Variants in ANKRD26 observed in about 807,000 individuals in gnomAD.
ANKRD26 encodes the protein ankyrin repeat domain 26.
Under a neutral mutation model 208.7 loss-of-function variants are expected in ANKRD26, and 141 were observed. That is an observed-to-expected ratio of 0.68 (90% CI 0.59 to 0.78). The LOEUF is 0.78. Ranked by LOEUF, ANKRD26 falls within the 30% of genes least tolerant of loss-of-function variation. The pLI is 0.00. For missense variants in ANKRD26, 1,889 were observed against 1,938.7 expected, an observed-to-expected ratio of 0.97 and a Z score of 0.48; for synonymous variants, 636 against 660.4, an observed-to-expected ratio of 0.96 and a Z score of 0.57.
chr10:27,030,715 T>A, intron 25 of ANKRD26: 1 of 421,992 alleles, frequency 2.4e-6, no homozygotes, highest in Non-Finnish European at 3.2e-6. Context: ...TTTAATTACT[T>A]AAAATATATT....
At chr10:26,989,900 T>C (rs2052455590), downstream of ANKRD26, among the ~76,000 whole-genome samples, 1 of 151,878 alleles carries the variant, frequency 6.6e-6, no homozygotes, top group Non-Finnish European at 1.5e-5. Flanking sequence ...GGGGTGTAAA[T>C]GGAGGTGAAG....
At chr10:27,089,145 G>C (rs1480165418) in intron 4 of ANKRD26, among the ~76,000 whole-genome samples, 6 of 152,184 alleles carry the variant, frequency 3.9e-5, no homozygotes, top group Admixed American at 3.9e-4. Context: ...ATCATTTCCA[G>C]ACTGCAGGAC....
rs200124932 is a variant in ANKRD26 at position 27,033,381 on chromosome 10, A to G, written c.3655-4T>C. ...GTTGAAGTTGTCTCACAACAACCTG[A>G]TAAGACATTTTGTTACTGATTTTAT... is the stretch of plus-strand genomic sequence containing the variant. On this transcript the variant is annotated splice_polypyrimidine_tract_variant and splice_region_variant and intron_variant, in intron 24 of 33. Transcript: ENST00000376087. The G allele has an allele frequency of 1.8e-3, 2,885 of 1,607,886 alleles. 60 individuals carry two copies. The South Asian group carries it at 0.027, about 15-fold the overall frequency.
In ANKRD26 at chr10:27,100,091, A is replaced by G. The variant is rs2056598269; in HGVS notation, c.236T>C (p.Met79Thr). The G allele has an allele frequency of 6.2e-7, 1 of 1,613,922 alleles. No homozygotes were observed. The highest frequency in any genetic ancestry group is 8.5e-7 in the Non-Finnish European group (1 of 1,179,942). Residue 79 changes from methionine to threonine, a missense_variant, in exon 1 of 34, where the codon ATG becomes ACG. Around this residue, in one of 3 missense-constraint regions of ANKRD26, gnomAD observed 1,272 missense variants for 1,273.8 expected, o/e 1.00. Transcript: ENST00000376087. ...RKNGLNDRDKMNRTALHLACA... is the reference protein window; with the variant it reads ...RKNGLNDRDKTNRTALHLACA... ...GGCTTGCGACGCCTATTACCTGTTC[A>G]TCTTGTCTCTATCGTTCAAGCCATT...
chr10:27,030,326 G>T, intron 25 of ANKRD26: 1 of 923,288 alleles, frequency 1.1e-6, no homozygotes, highest in African/African-American at 1.8e-5. Flanking sequence ...CTTTCTCTCT[G>T]CTTTACTCAG....
intron 31 of ANKRD26, 66 bp downstream of exon 31, chr10:27,014,428 G>T: frequency 1.6e-6 from 2 of 1,253,056 alleles, no homozygotes; most frequent in South Asian, 1.3e-5. Context: ...ATGAACCTAA[G>T]AATTATGCTT....
intron 13 of ANKRD26, 53 bp downstream of exon 13, chr10:27,061,091 G>T: frequency 1.6e-6 from 2 of 1,265,214 alleles, no homozygotes; most frequent in Non-Finnish European, 2.3e-6. Context: ...GATCAGCTTG[G>T]ATATACACTT....
Position 27,064,035 on chromosome 10 carries a change from C to T in ANKRD26, c.1316G>A (p.Gly439Glu). 6.2e-7 allele frequency: 1 copy of T among 1,611,496 alleles called. No individual in the cohort carries two copies. Among genetic ancestry groups the T allele is most frequent in the Non-Finnish European group, 8.5e-7 (1 of 1,179,708 alleles). The change falls in exon 12 of 34, where the codon GGG becomes GAG. Residue 439 changes from glycine (G) to glutamate (E), a missense_variant. Transcript: ENST00000376087. Reference protein sequence around the residue: ...FPQKYVDPLAGAADGKEKNIG... With the variant: ...FPQKYVDPLAEAADGKEKNIG... ...ATTTTTTTCTTTTCCGTCTGCAGCC[C>T]CAGCTAAAGGATCAACATACTTCTG...
downstream of ANKRD26, among the ~76,000 whole-genome samples, chr10:26,988,704 G>A (rs1473231892): frequency 6.6e-6 from 1 of 152,018 alleles, no homozygotes; most frequent in East Asian, 1.9e-4. Flanking sequence ...GGGTATGTGA[G>A]TGTCTAAATA....
downstream of ANKRD26, among the ~76,000 whole-genome samples, chr10:26,973,080 T>C (rs964124130): frequency 2.0e-5 from 3 of 152,200 alleles, no homozygotes; most frequent in African/African-American, 7.2e-5. Flanking sequence ...CTTTCCTTGT[T>C]GAGTTCTGGC....
rs115642787 is a variant in ANKRD26, at chr10:27,051,462, T to C, written c.1635+1858A>G. On this transcript the variant is annotated intron_variant, in intron 16 of 33. Coordinates refer to ENST00000376087, the MANE Select transcript of ANKRD26 (RefSeq NM_014915.3). ...CCAGTTAGTGGTATTTCGGTTCATA[T>C]TTTTTGTCTTATCAAACTCTTCTTT... The C allele has an allele frequency of 6.8e-5, 73 of 1,069,966 alleles. No individual in the cohort carries two copies. In the African/African-American group the frequency reaches 1.1e-3, roughly 16 times the overall value. 66.3% of individuals were successfully genotyped at this position (1,069,966 alleles called of 1,614,324 possible).
At chr10:26,998,094 CTAAGG>C (rs2052636298) in intron 4 of ANKRD26, among the ~76,000 whole-genome samples, 1 of 152,170 alleles carries the variant, frequency 6.6e-6, no homozygotes. Flanking sequence ...AACTGGTCAG[CTAAGG>C]TAACTAGTTT....
intron 25 of ANKRD26, chr10:27,030,568 A>G: frequency 1.0e-6 from 1 of 985,382 alleles, no homozygotes; most frequent in Non-Finnish European, 1.2e-6. Flanking sequence ...TTTGGGTGGG[A>G]AAGCGGTATG....
At chr10:27,080,327 T>C (rs1290899110) in intron 6 of ANKRD26, 2 of 152,612 alleles carry the variant, frequency 1.3e-5, no homozygotes, top group African/African-American at 4.8e-5. Context: ...TAAGGCCTCA[T>C]TGCTTCCCTT....
At chr10:27,077,724 T>C (rs1564419040) in intron 7 of ANKRD26, 31 bp from the exon 8 acceptor site, 2 of 1,564,184 alleles carry the variant, frequency 1.3e-6, no homozygotes, top group Non-Finnish European at 1.8e-6. Flanking sequence ...TAACAAGTTT[T>C]AAAAAAACAA....
chr10:26,976,227 T>C (rs2052224920), intron 5 of ANKRD26, among the ~76,000 whole-genome samples: 1 of 152,058 alleles, frequency 6.6e-6, no homozygotes, highest in East Asian at 1.9e-4. Flanking sequence ...TTTTTCTTTT[T>C]TTTTTGAGAC....
chr10:27,008,918 T>C (rs6482587), intron 32 of ANKRD26, among the ~76,000 whole-genome samples: 123,285 of 152,040 alleles, frequency 0.81, 50,336 homozygotes, highest in East Asian at 0.99. Context: ...CGGCTCACTG[T>C]AACCTCTGCC....
chr10:26,994,980 C>T (rs2052557637), intron 5 of ANKRD26: 2 of 452,162 alleles, frequency 4.4e-6, no homozygotes, highest in South Asian at 3.2e-5. Context: ...ATAAGGAAAT[C>T]ACAGCATATC....
At chr10:26,976,750 G>A (rs1300932450) in intron 5 of ANKRD26, among the ~76,000 whole-genome samples, 1 of 151,870 alleles carries the variant, frequency 6.6e-6, no homozygotes, top group Non-Finnish European at 1.5e-5. Context: ...GGACTTTCTC[G>A]TGGCACAGCA....
Sources: allele counts gnomAD v4.1 joint callset (sites outside exome capture counted in the v4.1 genomes callset), GRCh38; gene constraint gnomAD v4.1.1; regional missense constraint gnomAD v4.1.1; transcripts MANE v1.5; gene names NCBI Gene and HGNC (gene_info 2026-07-23, HGNC 2026-07-21).